Variants in C6orf62 observed in about 807,000 individuals in gnomAD.
C6orf62 encodes the protein uncharacterized protein C6orf62.
Under a neutral mutation model 26.8 loss-of-function variants are expected in C6orf62, and 16 were observed. The observed-to-expected ratio is 0.60, with a 90% confidence interval of 0.40 to 0.91. The LOEUF is 0.91. Among genes scored for constraint, C6orf62 ranks in the 40% least tolerant of loss-of-function variants. C6orf62 has a pLI of 0.00. For missense variants in C6orf62, 192 were observed against 271.4 expected, an observed-to-expected ratio of 0.71 and a Z score of 2.06; for synonymous variants, 112 against 91.5, an observed-to-expected ratio of 1.22 and a Z score of -1.28.
At chr6:24,720,448 T>G (rs1779333730), upstream of C6orf62, 2 of 1,084,828 alleles carry the variant, frequency 1.8e-6, no homozygotes, top group Non-Finnish European at 2.2e-6. Flanking sequence ...ATAGTCTGGC[T>G]CGGCGCCCTG....
Position 24,705,905 on chromosome 6 carries a change from G to T in C6orf62, c.*232C>A, listed in dbSNP as rs1480968103. On this transcript the variant is annotated 3_prime_UTR_variant, in exon 5 of 5. Transcript: ENST00000378119. ...TTTAGTAAGATACTGATGCAGTGCA[G>T]CAAATATGCAAAGCATCTTCTTTCA... 2.2e-6 allele frequency: 1 copy of T among 458,820 alleles called. No homozygotes were observed. Among genetic ancestry groups the T allele is most frequent in the African/African-American group, 2.0e-5 (1 of 51,030 alleles). 28.4% of individuals were successfully genotyped at this position (458,820 alleles called of 1,614,324 possible). A position where few individuals can be genotyped will look rare whatever the true frequency, so the allele number is the denominator to read the frequency against.
At chr6:24,709,769 T>C (rs182730828) in intron 3 of C6orf62, 4 of 985,362 alleles carry the variant, frequency 4.1e-6, no homozygotes, top group Non-Finnish European at 4.8e-6. Context: ...CTGTTGGGCA[T>C]GGTGAGACAC....
chr6:24,720,461 C>G (rs938125655), upstream of C6orf62: 148 of 1,033,814 alleles, frequency 1.4e-4, no homozygotes, highest in Non-Finnish European at 1.7e-4. Context: ...GCGCCCTGGG[C>G]GGCAACGGAG....
Position 24,718,363 on chromosome 6 carries a change from C to T in C6orf62, c.129+177G>A, listed in dbSNP as rs561598366. Among the ~76,000 whole-genome samples, 2 of 152,316 alleles carry T rather than the reference C, an allele frequency of 1.3e-5. 1 individual carries two copies. Among genetic ancestry groups the T allele is most frequent in the Admixed American group, 1.3e-4 (2 of 15,304 alleles). The stretch of plus-strand genomic sequence containing the variant: ...CAAAGAACGCTCAAGGGTCTTTTCG[C>T]ATGCTGCAACTGCTCAATTCACAGA... On this transcript the variant is annotated intron_variant, in intron 1 of 4. Transcript: ENST00000378119.
Position 24,706,160 on chromosome 6 carries a change from G to C in C6orf62, c.667C>G (p.Leu223Val), listed in dbSNP as rs372450488. The C allele has an allele frequency of 7.4e-6, 12 of 1,614,102 alleles. No individual in the cohort carries two copies. Among genetic ancestry groups the C allele is most frequent in the African/African-American group, 1.3e-5 (1 of 74,932 alleles). ...CTCTACTCTGGCATATAAGGACGGA[G>C]GTGATCCTCTATGGTGCCAACTGCC... Reference protein sequence around the residue: ...HWAVGTIEDHLRPYMPE With the variant: ...HWAVGTIEDHVRPYMPE Residue 223 changes from leucine to valine, a missense_variant, in exon 5 of 5, where the codon CTC becomes GTC. Transcript: ENST00000378119.
In C6orf62 at chr6:24,706,090, A is replaced by T. The variant is rs763504583; in HGVS notation, c.*47T>A. 6.3e-7 allele frequency: 1 copy of T among 1,595,728 alleles called. No homozygotes were observed. Among genetic ancestry groups the T allele is most frequent in the Admixed American group, 1.7e-5 (1 of 57,738 alleles). ...AAAGTGGTAAGAAAACAAGAAAAAA[A>T]ACTGCTGCTGCATTCTCTGATCTTC... is the stretch of plus-strand genomic sequence containing the variant. On this transcript the variant is annotated 3_prime_UTR_variant, in exon 5 of 5. Coordinates refer to ENST00000378119, the MANE Select transcript of C6orf62 (RefSeq NM_030939.5).
At chr6:24,720,076 C>A (rs1437401931), upstream of C6orf62, 16 of 1,217,586 alleles carry the variant, frequency 1.3e-5, no homozygotes, top group African/African-American at 1.8e-5. Flanking sequence ...GTTGAACAGA[C>A]CATGTTTCCA....
At chr6:24,719,829 C>A, upstream of C6orf62, 1 of 1,549,536 alleles carries the variant, frequency 6.5e-7, no homozygotes, top group South Asian at 1.2e-5. Flanking sequence ...GGTCCCACCC[C>A]CACCCCTTGC....
chr6:24,714,489 C>T lies in C6orf62; in HGVS notation c.307-49G>A, dbSNP rs746444043. On this transcript the variant is annotated intron_variant, in intron 2 of 4. Coordinates refer to ENST00000378119, the MANE Select transcript of C6orf62 (RefSeq NM_030939.5). ...AAGTTTACTTTTAAAGAAACAGCTA[C>T]ATCAAGCCATGTCACAAATTATAGG... is the stretch of plus-strand genomic sequence containing the variant. 41 of 1,406,020 alleles carry T rather than the reference C, an allele frequency of 2.9e-5. No homozygotes were observed. In the South Asian group the frequency reaches 5.5e-4, roughly 19 times the overall value. 87.1% of individuals were successfully genotyped at this position (1,406,020 alleles called of 1,614,324 possible).
At chr6:24,719,520 A>C (rs1222100128), upstream of C6orf62, 1 of 1,157,114 alleles carries the variant, frequency 8.6e-7, no homozygotes, top group South Asian at 2.4e-5. Flanking sequence ...TTTCACCCTC[A>C]GGCGGCTGCT....
At chr6:24,706,310 G>GT (rs1396522798) in intron 4 of C6orf62, 48 bp from the exon 5 acceptor site, 3 of 1,601,484 alleles carry the variant, frequency 1.9e-6, no homozygotes, top group Admixed American at 1.7e-5. Flanking sequence ...AGACTTTAGC[G>GT]TAACTGTCAC....
chr6:24,709,636 C>T, intron 3 of C6orf62: 1 of 985,358 alleles, frequency 1.0e-6, no homozygotes, highest in Non-Finnish European at 1.2e-6. Flanking sequence ...ATTTTTCCCA[C>T]AGTTAGCCTT....
chr6:24,710,692 A>G (rs6933328), intron 3 of C6orf62: 673,456 of 900,942 alleles, frequency 0.75, 253,425 homozygotes, highest in African/African-American at 0.95. Flanking sequence ...ACAAAGTAGT[A>G]ATGGTAAGTA....
chr6:24,715,140 G>A (rs1340254054), intron 2 of C6orf62, among the ~76,000 whole-genome samples: 2 of 152,286 alleles, frequency 1.3e-5, no homozygotes, highest in African/African-American at 2.4e-5. Context: ...TAGCTGAAAT[G>A]CTATTTTTAT....
At chr6:24,714,550 T>C in intron 2 of C6orf62, 110 bp from the exon 3 acceptor site, 1 of 691,150 alleles carries the variant, frequency 1.4e-6, no homozygotes. Flanking sequence ...GTACAAAAGA[T>C]CTACCATATA....
chr6:24,709,368 CTCTTT>C (rs954453358), intron 3 of C6orf62: 42 of 985,182 alleles, frequency 4.3e-5, no homozygotes, highest in East Asian at 1.1e-4. Context: ...CCAAGGACAT[CTCTTT>C]TCTTTTGATT....
At chr6:24,719,389 G>C (rs1394803571), upstream of C6orf62, 2 of 1,009,204 alleles carry the variant, frequency 2.0e-6, no homozygotes, top group South Asian at 3.8e-5. Flanking sequence ...GAGAAGGAAA[G>C]GGAGAGGTAC....
intron 4 of C6orf62, among the ~76,000 whole-genome samples, chr6:24,708,045 C>CA (rs1481175651): frequency 6.6e-6 from 1 of 151,118 alleles, no homozygotes; most frequent in African/African-American, 2.4e-5. Flanking sequence ...CTTCTGGAAA[C>CA]AAAGTGTGTT....
chr6:24,717,309 C>T (rs1779254696), intron 1 of C6orf62, among the ~76,000 whole-genome samples: 1 of 152,176 alleles, frequency 6.6e-6, no homozygotes, highest in African/African-American at 2.4e-5. Context: ...AGAGCATACA[C>T]TGTATCATCT....
Sources: gnomAD v4.1 joint callset for allele counts (sites outside exome capture counted in the v4.1 genomes callset) on GRCh38, gnomAD v4.1.1 for gene constraint, MANE v1.5 for transcripts, NCBI Gene and HGNC (gene_info 2026-07-23, HGNC 2026-07-21) for gene names.